PSMC2: variants seen among roughly 807,000 people sequenced by gnomAD.
The protein encoded by PSMC2 is proteasome 26S subunit, ATPase 2, also known as 26S proteasome regulatory subunit 7.
A neutral mutation model predicts 53.3 loss-of-function variants in PSMC2; 7 were observed. The ratio of observed to expected loss-of-function variants is 0.13; its 90% CI spans 0.07 to 0.25. PSMC2 has a LOEUF of 0.25. Ranked by LOEUF, PSMC2 falls within the 10% of genes least tolerant of loss-of-function variation. The pLI, the probability that PSMC2 is intolerant of heterozygous loss-of-function variation, is 1.00. For synonymous variants in PSMC2, 169 were observed against 183.9 expected, an observed-to-expected ratio of 0.92 and a Z score of 0.66; for missense variants, 241 against 544.0, an observed-to-expected ratio of 0.44 and a Z score of 5.54.
At chr7:103,361,631 A>AT (rs1586163087) in intron 4 of PSMC2, among the ~76,000 whole-genome samples, 1 of 152,106 alleles carries the variant, frequency 6.6e-6, no homozygotes, top group East Asian at 1.9e-4. Flanking sequence ...TGTAGGGAAA[A>AT]TAAAAACGAG....
Position 103,367,612 on chromosome 7 carries a change from A to G in PSMC2, c.1044A>G (p.Leu348=), listed in dbSNP as rs1345457892. Residue 348 remains leucine, a synonymous_variant, in exon 10 of 12, where the codon CTA becomes CTG. Transcript: ENST00000292644. This position sits in a 1 kb window ranked among gnomAD's most constrained non-coding sequence, Gnocchi z 6.1. Reference sequence around the variant, plus strand: ...AAATTGAATTTAGCTTGCCCGATCTAGAGGTAAGAAAACCATTTCATTTTA... The same window carrying G: ...AAATTGAATTTAGCTTGCCCGATCTGGAGGTAAGAAAACCATTTCATTTTA... ...DRKIEFSLPD[L]EGRTHIFKIH... 1.9e-6 allele frequency: 3 copies of G among 1,613,798 alleles called. No individual in the cohort carries two copies. The highest frequency in any genetic ancestry group is 3.3e-5 in the Admixed American group (2 of 59,952).
At chr7:103,362,542 C>G in intron 5 of PSMC2, 144 bp from the exon 6 acceptor site, 1 of 1,403,642 alleles carries the variant, frequency 7.1e-7, no homozygotes. Context: ...AGATTTCATG[C>G]TCTCTTTATT....
Position 103,364,006 on chromosome 7 carries a change from TTAA to T in PSMC2, c.592-132_592-130del, listed in dbSNP as rs2116245380. 12 of 808,580 alleles carry T rather than the reference TTAA, an allele frequency of 1.5e-5. No homozygotes were observed. The South Asian group carries it at 2.1e-4, about 14-fold the overall frequency. 50.1% of individuals were successfully genotyped at this position (808,580 alleles called of 1,614,324 possible). A position where few individuals can be genotyped will look rare whatever the true frequency, so the allele number is the denominator to read the frequency against. The stretch of plus-strand genomic sequence containing the variant: ...TAGTTCAAGTATGTATATTGTGGAC[TTAA>T]TAATTTTGATTTAAATATTAAAGTA... On this transcript the variant is annotated intron_variant, in intron 7 of 11. Coordinates refer to ENST00000292644, the MANE Select transcript of PSMC2 (RefSeq NM_002803.4).
At chr7:103,359,322 A>G (rs1402886188) in intron 4 of PSMC2, among the ~76,000 whole-genome samples, 1 of 151,608 alleles carries the variant, frequency 6.6e-6, no homozygotes, top group African/African-American at 2.4e-5. Flanking sequence ...TTTAATAACA[A>G]TCTTACTGAT....
chr7:103,361,779 T>C (rs1820429620), intron 4 of PSMC2, among the ~76,000 whole-genome samples, 178 bp from the exon 5 acceptor site: 1 of 152,202 alleles, frequency 6.6e-6, no homozygotes, highest in South Asian at 2.1e-4. Context: ...TTTTATGACT[T>C]GGCTAAAGTC....
intron 8 of PSMC2, 126 bp downstream of exon 8, chr7:103,364,433 G>C (rs1820582358): frequency 1.9e-5 from 20 of 1,042,188 alleles, no homozygotes; most frequent in Middle Eastern, 3.1e-4. Flanking sequence ...TGTTGAGACA[G>C]AGTCTCATTG....
Position 103,367,632 on chromosome 7 carries a change from A to G in PSMC2, c.1047+17A>G. 1 of 1,611,272 alleles carries G rather than the reference A, an allele frequency of 6.2e-7. No homozygotes were observed. The highest frequency in any genetic ancestry group is 8.5e-7 in the Non-Finnish European group (1 of 1,178,738). ...GATCTAGAGGTAAGAAAACCATTTCATTTTAGGAAAGGGATTTTTGAAGTT... is the reference window on the plus strand; with the variant it reads ...GATCTAGAGGTAAGAAAACCATTTCGTTTTAGGAAAGGGATTTTTGAAGTT... On this transcript the variant is annotated intron_variant, in intron 10 of 11. Coordinates refer to ENST00000292644, the MANE Select transcript of PSMC2 (RefSeq NM_002803.4). This position sits in a 1 kb window ranked among gnomAD's most constrained non-coding sequence, Gnocchi z 6.1.
intron 8 of PSMC2, 126 bp from the exon 9 acceptor site, chr7:103,365,950 C>A: frequency 1.3e-6 from 1 of 741,908 alleles, no homozygotes; most frequent in Non-Finnish European, 2.1e-6. Flanking sequence ...AAATAAAAAA[C>A]GTTTAGGTAA....
At chr7:103,353,432 G>C (rs1163280622) in intron 1 of PSMC2, among the ~76,000 whole-genome samples, 1 of 152,096 alleles carries the variant, frequency 6.6e-6, no homozygotes, top group Non-Finnish European at 1.5e-5. Flanking sequence ...TCAGCCTCCT[G>C]AGTAGCTGGG....
chr7:103,364,178 C>T lies in PSMC2; in HGVS notation c.627C>T (p.Pro209=), dbSNP rs1414204929. 1.9e-6 allele frequency: 3 copies of T among 1,614,140 alleles called. No individual in the cohort carries two copies. The highest frequency in any genetic ancestry group is 8.5e-7 in the Non-Finnish European group (1 of 1,180,032). The change falls in exon 8 of 12, where the codon CCC becomes CCT. Residue 209 remains proline, a synonymous_variant. Coordinates refer to ENST00000292644, the MANE Select transcript of PSMC2 (RefSeq NM_002803.4). ...ERFVNLGIEP[P]KGVLLFGPPG... is the part of the protein sequence containing the mutation. ...TTGTGAACCTTGGCATTGAGCCTCC[C>T]AAGGGCGTGCTGCTCTTTGGTCCAC...
chr7:103,355,576 A>T, intron 3 of PSMC2, 118 bp from the exon 4 acceptor site: 1 of 735,996 alleles, frequency 1.4e-6, no homozygotes, highest in South Asian at 1.7e-5. Context: ...TATAATGCAC[A>T]TGATAGTCCT....
intron 8 of PSMC2, among the ~76,000 whole-genome samples, chr7:103,364,958 C>CACATAT (rs1554575470): frequency 2.4e-5 from 3 of 125,502 alleles, no homozygotes; most frequent in Non-Finnish European, 5.0e-5. Flanking sequence ...TGTAGACATA[C>CACATAT]ATATATATAT....
chr7:103,357,208 C>A (rs1219617744), intron 4 of PSMC2, among the ~76,000 whole-genome samples: 1 of 151,872 alleles, frequency 6.6e-6, no homozygotes, highest in Non-Finnish European at 1.5e-5. Flanking sequence ...CGCTTGTAAT[C>A]CCAGCTACTG....
Position 103,367,695 on chromosome 7 carries a change from C to A in PSMC2, c.1048-18C>A. The A allele has an allele frequency of 6.2e-7, 1 of 1,607,892 alleles. No individual in the cohort carries two copies. Among genetic ancestry groups the A allele is most frequent in the South Asian group, 1.1e-5 (1 of 89,920 alleles). ...GATTTTTTTCCATTTTAATATTTGT[C>A]AATTTTCTCATTTTTAGGGTCGGAC... On this transcript the variant is annotated intron_variant, in intron 10 of 11. Transcript: ENST00000292644. The surrounding 1 kb of genome is among the most constrained non-coding windows in gnomAD (Gnocchi z 6.1).
At chr7:103,348,700 T>A (rs1819661275) in intron 1 of PSMC2, 1 of 1,589,308 alleles carries the variant, frequency 6.3e-7, no homozygotes, top group Non-Finnish European at 8.6e-7. Context: ...GATCCGGAAA[T>A]ATGGCCTCAA....
chr7:103,363,120 C>A (rs1820509425), intron 6 of PSMC2, among the ~76,000 whole-genome samples: 1 of 152,116 alleles, frequency 6.6e-6, no homozygotes, highest in Non-Finnish European at 1.5e-5. Context: ...TTTTTTGAGA[C>A]AGAGTCTCAG....
chr7:103,353,906 T>C lies in PSMC2; in HGVS notation c.71-15T>C, dbSNP rs12669800. On this transcript the variant is annotated splice_polypyrimidine_tract_variant and intron_variant, in intron 1 of 11. Coordinates refer to ENST00000292644, the MANE Select transcript of PSMC2 (RefSeq NM_002803.4). ...GTTTCTTTTTGAATCTCACGTATTG[T>C]CTCTCTTCTTTCAGCTCTGGATGAG... 1 of 1,599,082 alleles carries C rather than the reference T, an allele frequency of 6.3e-7. No individual in the cohort carries two copies. Among genetic ancestry groups the C allele is most frequent in the South Asian group, 1.1e-5 (1 of 88,994 alleles).
Position 103,362,762 on chromosome 7 carries a change from A to C in PSMC2, c.495+4A>C, listed in dbSNP as rs771993269. The C allele has an allele frequency of 6.3e-7, 1 of 1,576,990 alleles. No individual in the cohort carries two copies. Among genetic ancestry groups the C allele is most frequent in the Non-Finnish European group, 8.7e-7 (1 of 1,148,448 alleles). Reference sequence around the variant, plus strand: ...CCCAACAGTTACCATGATGCAGGTAAGAAACTATGGGAGGGAAAAGGAAGG... The same window carrying C: ...CCCAACAGTTACCATGATGCAGGTACGAAACTATGGGAGGGAAAAGGAAGG... On this transcript the variant is annotated splice_donor_region_variant and intron_variant, in intron 6 of 11. Transcript: ENST00000292644.
chr7:103,360,074 G>A (rs1238682717), intron 4 of PSMC2, among the ~76,000 whole-genome samples: 2 of 147,286 alleles, frequency 1.4e-5, no homozygotes, highest in Non-Finnish European at 3.0e-5. Flanking sequence ...GTGAGATTCC[G>A]TCTCAAAAAA....
Sources: gnomAD v4.1 joint callset for allele counts (sites outside exome capture counted in the v4.1 genomes callset) on GRCh38, gnomAD v4.1.1 for gene constraint, Gnocchi (gnomAD v3.1) non-coding constraint, MANE v1.5 for transcripts, NCBI Gene and HGNC (gene_info 2026-07-23, HGNC 2026-07-21) for gene names.